Variants in CTNNA2 observed in about 807,000 individuals in gnomAD.
CTNNA2 encodes catenin alpha 2.
Under a neutral mutation model 101.0 loss-of-function variants are expected in CTNNA2, and 42 were observed. That is an observed-to-expected ratio of 0.42 (90% CI 0.32 to 0.54). The LOEUF (loss-of-function observed/expected upper bound fraction) is 0.54, where lower values mean the gene tolerates loss of function less well. Ranked by LOEUF, CTNNA2 falls within the 20% of genes least tolerant of loss-of-function variation. The pLI is 0.14. For missense variants in CTNNA2, 871 were observed against 1,223.1 expected (o/e 0.71, Z 4.29); for synonymous variants, 450 against 456.4 (o/e 0.99, Z 0.18).
intron 1 of CTNNA2, among the ~76,000 whole-genome samples, chr2:79,574,399 TGTTG>T (rs1052124882): frequency 6.6e-6 from 1 of 152,094 alleles, no homozygotes; most frequent in Non-Finnish European, 1.5e-5. Flanking sequence ...CTCCTGTATC[TGTTG>T]TTCTTTTCTT....
chr2:79,464,076 T>G (rs530242735), intron 4 of CTNNA2, among the ~76,000 whole-genome samples: 1 of 152,054 alleles, frequency 6.6e-6, no homozygotes, highest in Non-Finnish European at 1.5e-5. Context: ...GTTGGTGTGC[T>G]GCACTCATTA....
chr2:79,925,102 C>T (rs17018136), intron 7 of CTNNA2, among the ~76,000 whole-genome samples: 1,856 of 152,106 alleles, frequency 0.012, 38 homozygotes, highest in African/African-American at 0.042. Flanking sequence ...AAGTATCTCT[C>T]CCAGTATATT....
In CTNNA2 at chr2:79,507,233, T is replaced by C. The variant is rs531959111; in HGVS notation, c.-6+2051T>C. 6.6e-5 allele frequency among the ~76,000 whole-genome samples: 10 copies of C among 152,350 alleles called. No homozygotes were observed. In the South Asian group the frequency reaches 1.2e-3, roughly 19 times the overall value. ...AGTTCTAAAATTATGTATTCACTGA[T>C]AAGAATAAAAGTGGCAGTGAGGATA... On this transcript the variant is annotated intron_variant, in intron 5 of 21. Transcript: ENST00000466387.
intron 7 of CTNNA2, among the ~76,000 whole-genome samples, chr2:80,058,621 C>A (rs537179009): frequency 6.6e-6 from 1 of 152,242 alleles, no homozygotes; most frequent in South Asian, 2.1e-4. Context: ...AAGGACCACC[C>A]AGCTGCTTGG....
intron 2 of CTNNA2, among the ~76,000 whole-genome samples, chr2:79,200,801 T>G (rs1221706713): frequency 6.6e-6 from 1 of 152,066 alleles, no homozygotes; most frequent in Non-Finnish European, 1.5e-5. Context: ...ATTAAGCTAA[T>G]CCATTGAGCT....
intron 7 of CTNNA2, among the ~76,000 whole-genome samples, chr2:80,046,136 T>C (rs1696506114): frequency 6.6e-6 from 1 of 152,192 alleles, no homozygotes; most frequent in African/African-American, 2.4e-5. Context: ...AGTTCCATCA[T>C]CAGTCCCTTG....
chr2:80,638,554 A>G (rs1324819725), intron 18 of CTNNA2, among the ~76,000 whole-genome samples: 2 of 152,170 alleles, frequency 1.3e-5, no homozygotes, highest in East Asian at 3.9e-4. Context: ...CCAAGGGCCA[A>G]CCTGTCAGTA....
At chr2:79,271,683 T>C (rs1423449483) in intron 2 of CTNNA2, among the ~76,000 whole-genome samples, 5 of 151,994 alleles carry the variant, frequency 3.3e-5, no homozygotes, top group Non-Finnish European at 7.4e-5. Context: ...TCTCTACTTT[T>C]ACTGCTAACA....
chr2:80,286,999 A>G (rs1208842250), intron 7 of CTNNA2, among the ~76,000 whole-genome samples: 2 of 152,212 alleles, frequency 1.3e-5, no homozygotes, highest in Non-Finnish European at 2.9e-5. Flanking sequence ...AAATATATAG[A>G]CATGGTACAT....
intron 7 of CTNNA2, among the ~76,000 whole-genome samples, chr2:80,068,896 A>T (rs1698151018): frequency 6.6e-6 from 1 of 152,222 alleles, no homozygotes; most frequent in African/African-American, 2.4e-5. Flanking sequence ...ATGAAAAGAT[A>T]TGTTACATTT....
chr2:80,305,741 G>A (rs1490227388), intron 7 of CTNNA2, among the ~76,000 whole-genome samples: 6 of 151,910 alleles, frequency 3.9e-5, no homozygotes, highest in Non-Finnish European at 8.8e-5. Context: ...GGTCTGTAGA[G>A]GGTCTGCCCT....
At chr2:79,977,576 T>G (rs1357749504) in intron 7 of CTNNA2, among the ~76,000 whole-genome samples, 1 of 152,154 alleles carries the variant, frequency 6.6e-6, no homozygotes, top group African/African-American at 2.4e-5. Context: ...TCTGTTCTAA[T>G]ATCAAAAATG....
chr2:80,545,817 G>C, intron 10 of CTNNA2, 90 bp from the exon 11 acceptor site: 1 of 1,324,490 alleles, frequency 7.6e-7, no homozygotes. Flanking sequence ...AGAACGTACA[G>C]GGTGCATGGT....
intron 2 of CTNNA2, among the ~76,000 whole-genome samples, chr2:79,222,250 A>G (rs1417226062): frequency 2.0e-5 from 3 of 152,234 alleles, no homozygotes; most frequent in Non-Finnish European, 4.4e-5. Flanking sequence ...AATATTAGCC[A>G]TGAAATGTGT....
chr2:80,103,616 G>A (rs1350041300), intron 7 of CTNNA2, among the ~76,000 whole-genome samples: 1 of 152,188 alleles, frequency 6.6e-6, no homozygotes, highest in East Asian at 1.9e-4. Context: ...CTTGGCTTCT[G>A]TGTGTCTACT....
At chr2:80,461,364 C>T (rs1057502704) in intron 9 of CTNNA2, among the ~76,000 whole-genome samples, 1 of 152,054 alleles carries the variant, frequency 6.6e-6, no homozygotes, top group African/African-American at 2.4e-5. Flanking sequence ...AGTAATTTTT[C>T]ATCCACTGAC....
chr2:80,409,810 G>T (rs1468807389), intron 8 of CTNNA2, among the ~76,000 whole-genome samples: 1 of 152,064 alleles, frequency 6.6e-6, no homozygotes, highest in Non-Finnish European at 1.5e-5. Flanking sequence ...TAAAAATCCT[G>T]ACTAAAACTG....
At chr2:80,296,423 T>C (rs1362687443) in intron 7 of CTNNA2, among the ~76,000 whole-genome samples, 1 of 152,156 alleles carries the variant, frequency 6.6e-6, no homozygotes, top group Non-Finnish European at 1.5e-5. Context: ...AAAAAGTGGG[T>C]CAATTGAGGG....
intron 7 of CTNNA2, among the ~76,000 whole-genome samples, chr2:80,296,531 C>T (rs542481681): frequency 1.4e-3 from 208 of 152,224 alleles, no homozygotes; most frequent in African/African-American, 4.9e-3. Flanking sequence ...TATCAGTGAA[C>T]CTAAGGGCTT....
Sources: allele counts gnomAD v4.1 joint callset (sites outside exome capture counted in the v4.1 genomes callset), GRCh38; gene constraint gnomAD v4.1.1; transcripts MANE v1.5; gene names NCBI Gene and HGNC (gene_info 2026-07-23, HGNC 2026-07-21).